UTS2R: variants seen among roughly 807,000 people sequenced by gnomAD.
UTS2R encodes urotensin-2 receptor.
For synonymous variants in UTS2R, 335 were observed against 280.9 expected (o/e 1.19, Z -1.93); for missense variants, 653 against 562.2 (o/e 1.16, Z -1.63).
At chr17:82,372,849 A>G (rs2052460349) in intron 2 of UTS2R, among the ~76,000 whole-genome samples, 66 bp downstream of exon 2, 1 of 152,194 alleles carries the variant, frequency 6.6e-6, no homozygotes, top group South Asian at 2.1e-4. Context: ...AAATCGTGCC[A>G]ATGGCTTTCC....
In UTS2R at chr17:82,374,822, C is replaced by T; in HGVS notation, c.498C>T (p.Arg166=). 1 of 1,526,802 alleles carries T rather than the reference C, an allele frequency of 6.5e-7. No homozygotes were observed. Among genetic ancestry groups the T allele is most frequent in the East Asian group, 2.3e-5 (1 of 43,130 alleles). The allele number at this position is 1,526,802 out of a possible 1,614,324, so 94.6% of individuals were successfully genotyped here. A position where few individuals can be genotyped will look rare whatever the true frequency, so the allele number is the denominator to read the frequency against. Residue 166 remains arginine (R), a synonymous_variant, in exon 3 of 3, where the codon CGC becomes CGT. Transcript: ENST00000313135. The part of the protein sequence containing the change: ...LDTVQRPKGY[R]KLLALGTWLL... ...CCGTGCAGCGCCCCAAGGGCTACCGCAAGCTGCTGGCGCTGGGCACCTGGC... is the reference window on the plus strand; with the variant it reads ...CCGTGCAGCGCCCCAAGGGCTACCGTAAGCTGCTGGCGCTGGGCACCTGGC...
At chr17:82,373,659 C>T (rs1029581859) in intron 2 of UTS2R, among the ~76,000 whole-genome samples, 2 of 152,210 alleles carry the variant, frequency 1.3e-5, no homozygotes, top group African/African-American at 4.8e-5. Context: ...CTGATTTAAC[C>T]TTTCACACTT....
In UTS2R at chr17:82,374,967, C is replaced by A; in HGVS notation, c.643C>A (p.Leu215Ile). 2 of 1,175,262 alleles carry A rather than the reference C, an allele frequency of 1.7e-6. No homozygotes were observed. Among genetic ancestry groups the A allele is most frequent in the Admixed American group, 2.0e-5 (1 of 49,314 alleles). 72.8% of individuals were successfully genotyped at this position (1,175,262 alleles called of 1,614,324 possible). Reference protein sequence around the residue: ...PRAHRAYLTLLFATSIAGPGL... With the variant: ...PRAHRAYLTLIFATSIAGPGL... The stretch of plus-strand genomic sequence containing the variant: ...CGCCCACCGCGCCTACCTGACGCTG[C>A]TCTTCGCCACCAGCATCGCGGGGCC... Residue 215 changes from leucine to isoleucine, a missense_variant, in exon 3 of 3, where the codon CTC becomes ATC. By Grantham distance (5) the Leu-to-Ile change is conservative. Transcript: ENST00000313135.
In UTS2R at chr17:82,375,348, G is replaced by A. The variant is rs762930403; in HGVS notation, c.1024G>A (p.Val342Ile). The A allele has an allele frequency of 9.5e-6, 15 of 1,571,614 alleles. No homozygotes were observed. In the South Asian group the frequency reaches 1.1e-4, roughly 11 times the overall value. Residue 342 changes from valine (V) to isoleucine (I), a missense_variant, in exon 3 of 3, where the codon GTT (valine) becomes ATT (isoleucine). Coordinates refer to ENST00000313135, the MANE Select transcript of UTS2R (RefSeq NM_018949.3). ...GGGCAGCGGGGGAGGCCGGGGGCCC[G>A]TTCCCTCCCTGCAGCCCCGCGCCCG... The part of the protein sequence containing the change: ...GPGSGGGRGP[V>I]PSLQPRARFQ...
Position 82,375,521 on chromosome 17 carries a change from G to T in UTS2R, c.*27G>T. On this transcript the variant is annotated 3_prime_UTR_variant, in exon 3 of 3. Coordinates refer to ENST00000313135, the MANE Select transcript of UTS2R (RefSeq NM_018949.3). The stretch of plus-strand genomic sequence containing the variant: ...CACGCGGAGGGGCGGCTGGAGTCCA[G>T]GCGGGGACGCGCCCCAAAGCCCCAG... 1.0e-6 allele frequency: 1 copy of T among 999,080 alleles called. No individual in the cohort carries two copies. The allele number at this position is 999,080 out of a possible 1,614,324, so 61.9% of individuals were successfully genotyped here.
At chr17:82,373,480 G>T (rs948121546) in intron 2 of UTS2R, among the ~76,000 whole-genome samples, 1 of 152,182 alleles carries the variant, frequency 6.6e-6, no homozygotes. Context: ...GTTTTCTGAT[G>T]ATCTCCTAGC....
At chr17:82,373,741 C>T (rs1178531795) in intron 2 of UTS2R, among the ~76,000 whole-genome samples, 1 of 152,252 alleles carries the variant, frequency 6.6e-6, no homozygotes, top group Non-Finnish European at 1.5e-5. Flanking sequence ...CCTCTCCTTA[C>T]ATGTTCTTCT....
Position 82,374,472 on chromosome 17 carries a change from G to A in UTS2R, c.148G>A (p.Ala50Thr). 6.3e-7 allele frequency: 1 copy of A among 1,596,212 alleles called. No homozygotes were observed. Among genetic ancestry groups the A allele is most frequent in the Middle Eastern group, 1.7e-4 (1 of 6,052 alleles). ...TEPSSLEDLV[A>T]TGTIGTLLSA... is the part of the protein sequence containing the mutation. ...GCCCAGCTCCCTGGAGGACCTGGTG[G>A]CCACGGGCACCATTGGGACTCTGCT... Residue 50 changes from alanine (A) to threonine (T), a missense_variant, in exon 3 of 3, where the codon GCC becomes ACC. By Grantham distance (58) the Ala-to-Thr change is moderately conservative. Coordinates refer to ENST00000313135, the MANE Select transcript of UTS2R (RefSeq NM_018949.3).
At position 82,376,926 on chromosome 17, in the gene UTS2R, G is replaced by C. The variant is rs1287375891; in HGVS notation, c.*1432G>C. On this transcript the variant is annotated 3_prime_UTR_variant, in exon 3 of 3. Coordinates refer to ENST00000313135, the MANE Select transcript of UTS2R (RefSeq NM_018949.3). ...CCGGCCACCCCTACTGGGAAGTGAG[G>C]AGCCCCTCTGCCCGGCCACCACCCC... Among the ~76,000 whole-genome samples, 1 of 152,142 alleles carries C rather than the reference G, an allele frequency of 6.6e-6. No individual in the cohort carries two copies. The highest frequency in any genetic ancestry group is 1.5e-5 in the Non-Finnish European group (1 of 68,008).
chr17:82,375,278 C>T lies in UTS2R; in HGVS notation c.954C>T (p.Leu318=), dbSNP rs2052485397. 6.4e-7 allele frequency: 1 copy of T among 1,565,286 alleles called. No homozygotes were observed. Among genetic ancestry groups the T allele is most frequent in the Non-Finnish European group, 8.6e-7 (1 of 1,157,048 alleles). ...SCANPFLYTL[L]TRNYRDHLRG... ...CCAACCCCTTCCTCTACACGCTGCTCACCAGGAACTACCGCGACCACCTGC... is the reference window on the plus strand; with the variant it reads ...CCAACCCCTTCCTCTACACGCTGCTTACCAGGAACTACCGCGACCACCTGC... Residue 318 remains leucine (L), a synonymous_variant, in exon 3 of 3, where the codon CTC becomes CTT. Transcript: ENST00000313135.
rs779015250 is a variant in UTS2R, at chr17:82,375,073, G to A, written c.749G>A (p.Arg250Gln). Reference protein sequence around the residue: ...RSQRASFKRARRPGARALRLV... With the variant: ...RSQRASFKRAQRPGARALRLV... ...CAGCGCGCCTCCTTCAAGCGGGCCC[G>A]GCGGCCGGGGGCGCGCGCGCTGCGC... Residue 250 changes from arginine (R) to glutamine (Q), a missense_variant, in exon 3 of 3, where the codon CGG becomes CAG. Arg to Gln is a conservative substitution (Grantham distance 43, BLOSUM62 1). Coordinates refer to ENST00000313135, the MANE Select transcript of UTS2R (RefSeq NM_018949.3). The A allele has an allele frequency of 1.4e-6, 2 of 1,403,208 alleles. No homozygotes were observed. The highest frequency in any genetic ancestry group is 1.6e-5 in the South Asian group (1 of 62,114). 86.9% of individuals were successfully genotyped at this position (1,403,208 alleles called of 1,614,324 possible). A position where few individuals can be genotyped will look rare whatever the true frequency, so the allele number is the denominator to read the frequency against.
In UTS2R at chr17:82,376,183, T is replaced by G. The variant is rs2052494933; in HGVS notation, c.*689T>G. On this transcript the variant is annotated 3_prime_UTR_variant, in exon 3 of 3. Transcript: ENST00000313135. Reference sequence around the variant, plus strand: ...GCAGAACGCAAGAGGACAAGGTCAGTGGCCGCACCTACAGGCCTCCTGGCC... The same window carrying G: ...GCAGAACGCAAGAGGACAAGGTCAGGGGCCGCACCTACAGGCCTCCTGGCC... 6.6e-6 allele frequency among the ~76,000 whole-genome samples: 1 copy of G among 152,174 alleles called. No homozygotes were observed. The highest frequency in any genetic ancestry group is 2.4e-5 in the African/African-American group (1 of 41,440).
In UTS2R at chr17:82,375,669, G is replaced by A. The variant is rs961619494; in HGVS notation, c.*175G>A. 9 of 473,938 alleles carry A rather than the reference G, an allele frequency of 1.9e-5. No individual in the cohort carries two copies. The South Asian group carries it at 2.5e-4, about 13-fold the overall frequency. The allele number at this position is 473,938 out of a possible 1,614,324, so 29.4% of individuals were successfully genotyped here. ...CCGTGATGCCCAGAAGCGCCCACCC[G>A]CCTCCCTGAGGGTCTCCAGGAGGCT... On this transcript the variant is annotated 3_prime_UTR_variant, in exon 3 of 3. Coordinates refer to ENST00000313135, the MANE Select transcript of UTS2R (RefSeq NM_018949.3).
In UTS2R at chr17:82,376,932, C is replaced by G. The variant is rs1242721036; in HGVS notation, c.*1438C>G. ...ACCCCTACTGGGAAGTGAGGAGCCC[C>G]TCTGCCCGGCCACCACCCCGTCTGG... On this transcript the variant is annotated 3_prime_UTR_variant, in exon 3 of 3. Coordinates refer to ENST00000313135, the MANE Select transcript of UTS2R (RefSeq NM_018949.3). Among the ~76,000 whole-genome samples, 1 of 152,202 alleles carries G rather than the reference C, an allele frequency of 6.6e-6. No individual in the cohort carries two copies. The highest frequency in any genetic ancestry group is 1.5e-5 in the Non-Finnish European group (1 of 68,040).
intron 2 of UTS2R, among the ~76,000 whole-genome samples, chr17:82,372,984 G>A (rs1599672928): frequency 6.6e-6 from 1 of 152,290 alleles, no homozygotes; most frequent in African/African-American, 2.4e-5. Context: ...GCACGCAGGG[G>A]CTCCTGTGGC....
rs1362270490 is a variant in UTS2R, at chr17:82,375,199, C to T, written c.875C>T (p.Thr292Met). 2.6e-6 allele frequency: 4 copies of T among 1,564,894 alleles called. No homozygotes were observed. Among genetic ancestry groups the T allele is most frequent in the South Asian group, 1.2e-5 (1 of 84,784 alleles). The change falls in exon 3 of 3, where the codon ACG becomes ATG. Residue 292 changes from threonine (T) to methionine (M), a missense_variant. Transcript: ENST00000313135. ...CACCAGGCCCCGCTGGCGCCGCGGA[C>T]GGCGCGCATCGTCAACTACCTGACC... ...QYHQAPLAPR[T>M]ARIVNYLTTC...
At position 82,375,239 on chromosome 17, in the gene UTS2R, C is replaced by T. The variant is rs201203800; in HGVS notation, c.915C>T (p.Tyr305=). ...ACTACCTGACCACCTGCCTCACCTA[C>T]GGCAACAGCTGCGCCAACCCCTTCC... is the stretch of plus-strand genomic sequence containing the variant. ...IVNYLTTCLT[Y]GNSCANPFLY... is the part of the protein sequence containing the mutation. Residue 305 remains tyrosine, a synonymous_variant, in exon 3 of 3, where the codon TAC becomes TAT. Coordinates refer to ENST00000313135, the MANE Select transcript of UTS2R (RefSeq NM_018949.3). 4 of 1,583,118 alleles carry T rather than the reference C, an allele frequency of 2.5e-6. No individual in the cohort carries two copies. The highest frequency in any genetic ancestry group is 1.2e-5 in the South Asian group (1 of 86,500).
At chr17:82,372,110 C>T (rs1047902259) in intron 1 of UTS2R, among the ~76,000 whole-genome samples, 63 bp downstream of exon 1, 2 of 152,146 alleles carry the variant, frequency 1.3e-5, no homozygotes, top group African/African-American at 2.4e-5. Context: ...CTTCGGGGCC[C>T]TCCGCAGGGC....
In UTS2R at chr17:82,374,416, C is replaced by T; in HGVS notation, c.92C>T (p.Thr31Ile). The T allele has an allele frequency of 6.3e-7, 1 of 1,597,958 alleles. No individual in the cohort carries two copies. The highest frequency in any genetic ancestry group is 8.5e-7 in the Non-Finnish European group (1 of 1,176,540). Residue 31 changes from threonine to isoleucine, a missense_variant, in exon 3 of 3, where the codon ACC becomes ATC. Thr to Ile is a moderately conservative substitution (Grantham distance 89, BLOSUM62 -1). Transcript: ENST00000313135. ...GAGCCGCCTGGCGGCCCCAACGCAA[C>T]CCTCAACAGCTCCTGGGCCAGCCCG... Reference protein sequence around the residue: ...VPEPPGGPNATLNSSWASPTE... With the variant: ...VPEPPGGPNAILNSSWASPTE...
Sources: gnomAD v4.1 joint callset for allele counts (sites outside exome capture counted in the v4.1 genomes callset) on GRCh38, gnomAD v4.1.1 for gene constraint, MANE v1.5 for transcripts, NCBI Gene and HGNC (gene_info 2026-07-23, HGNC 2026-07-21) for gene names.